The following FABP7 variants were observed in gnomAD, a reference collection of about 807,000 sequenced individuals.
The protein encoded by FABP7 is fatty acid binding protein 7, also known as fatty acid-binding protein, brain.
In FABP7, 13 loss-of-function variants were observed where a neutral mutation model predicts 14.2. That is an observed-to-expected ratio of 0.91 (90% CI 0.59 to 1.45). The LOEUF is 1.45. Ranked by LOEUF, FABP7 falls within the 40% of genes most tolerant of loss-of-function variation. FABP7 has a pLI of 0.00. For synonymous variants in FABP7, 49 were observed against 51.4 expected, an observed-to-expected ratio of 0.95 and a Z score of 0.20; for missense variants, 149 against 157.6, an observed-to-expected ratio of 0.95 and a Z score of 0.29.
chr6:122,763,007 T>A, the FABP7 span, among the ~76,000 whole-genome samples: 5 of 152,336 alleles, frequency 3.3e-5, no homozygotes, highest in African/African-American at 1.2e-4. Context: ...AAGCTACCGA[T>A]GACTTTCTTC....
At chr6:122,752,813 CT>C in the FABP7 span, among the ~76,000 whole-genome samples, 1 of 152,154 alleles carries the variant, frequency 6.6e-6, no homozygotes, top group Admixed American at 6.5e-5. Context: ...TCTCTACCCC[CT>C]CTACATTGTT....
At chr6:122,773,173 A>G in the FABP7 span, among the ~76,000 whole-genome samples, 17 of 152,324 alleles carry the variant, frequency 1.1e-4, no homozygotes, top group South Asian at 6.2e-4. Flanking sequence ...GAATTTCTAT[A>G]TATCTCCAGA....
the FABP7 span, among the ~76,000 whole-genome samples, chr6:122,769,854 G>A: frequency 6.6e-6 from 1 of 152,008 alleles, no homozygotes; most frequent in African/African-American, 2.4e-5. Flanking sequence ...GCTTTGCGGT[G>A]AAAGAAAAAG....
the FABP7 span, among the ~76,000 whole-genome samples, chr6:122,764,076 G>A: frequency 6.6e-6 from 1 of 151,898 alleles, no homozygotes; most frequent in Non-Finnish European, 1.5e-5. Flanking sequence ...ATGCTACAAA[G>A]ACACATGCAC....
chr6:122,773,350 C>T, the FABP7 span, among the ~76,000 whole-genome samples: 3 of 152,188 alleles, frequency 2.0e-5, no homozygotes, highest in African/African-American at 2.4e-5. Context: ...TCCACTGCTG[C>T]GCACTCAGTC....
intron 3 of FABP7, chr6:122,782,453 A>G: frequency 2.3e-6 from 2 of 879,638 alleles, no homozygotes; most frequent in Non-Finnish European, 2.7e-6. Flanking sequence ...TCTTTACAAG[A>G]CTTTTTCCTC....
upstream of FABP7, among the ~76,000 whole-genome samples, chr6:122,777,155 A>C (rs1482624626): frequency 1.3e-5 from 2 of 152,240 alleles, no homozygotes; most frequent in South Asian, 2.1e-4. Flanking sequence ...TGTTCTTAGA[A>C]TACAAAAGGA....
intron 1 of FABP7, among the ~76,000 whole-genome samples, chr6:122,780,069 A>C (rs1262953624): frequency 2.0e-5 from 3 of 152,178 alleles, no homozygotes; most frequent in Non-Finnish European, 4.4e-5. Context: ...TAAAAACAGA[A>C]CATTTGCTAT....
Position 122,779,751 on chromosome 6 carries a change from C to A in FABP7, c.-44C>A. 6.3e-7 allele frequency: 1 copy of A among 1,595,086 alleles called. No homozygotes were observed. The highest frequency in any genetic ancestry group is 8.6e-7 in the Non-Finnish European group (1 of 1,163,674). On this transcript the variant is annotated 5_prime_UTR_variant, in exon 1 of 4. Coordinates refer to ENST00000368444, the MANE Select transcript of FABP7 (RefSeq NM_001446.5). ...TTCTGAGCTGCAGTGGCAATTAGAC[C>A]AGAAGATCCCCGCTCCTGTCTCTAA...
chr6:122,774,372 A>C, the FABP7 span, among the ~76,000 whole-genome samples: 24 of 75,968 alleles, frequency 3.2e-4, 1 homozygote, highest in African/African-American at 5.8e-4. Flanking sequence ...AAAAAAAAAA[A>C]AAAAAAAAAA....
the FABP7 span, among the ~76,000 whole-genome samples, chr6:122,771,812 A>G: frequency 6.6e-6 from 1 of 152,202 alleles, no homozygotes; most frequent in East Asian, 1.9e-4. Context: ...CTGAAAACTT[A>G]GAAAAGATCA....
rs1780857683 is a variant in FABP7 at position 122,783,953 on chromosome 6, A to G, written c.*186A>G. 2.3e-6 allele frequency: 1 copy of G among 431,670 alleles called. No individual in the cohort carries two copies. Among genetic ancestry groups the G allele is most frequent in the African/African-American group, 2.1e-5 (1 of 47,880 alleles). 26.7% of individuals were successfully genotyped at this position (431,670 alleles called of 1,614,324 possible). A position where few individuals can be genotyped will look rare whatever the true frequency, so the allele number is the denominator to read the frequency against. ...CCCAATTTTAATCTGAAAATTTATC[A>G]TGTTTTATAATTTGAATTAAAGTTT... On this transcript the variant is annotated 3_prime_UTR_variant, in exon 4 of 4. Coordinates refer to ENST00000368444, the MANE Select transcript of FABP7 (RefSeq NM_001446.5).
intron 3 of FABP7, chr6:122,783,033 C>A (rs1406537488): frequency 1.8e-5 from 18 of 985,276 alleles, no homozygotes; most frequent in Non-Finnish European, 2.2e-5. Context: ...AAGCAATAGA[C>A]TACAAGGATA....
chr6:122,772,136 T>C, the FABP7 span, among the ~76,000 whole-genome samples: 1 of 152,154 alleles, frequency 6.6e-6, no homozygotes, highest in Admixed American at 6.6e-5. Flanking sequence ...AAATATTAAT[T>C]GAACTAAACC....
chr6:122,774,740 T>C (rs1358996509), upstream of FABP7, among the ~76,000 whole-genome samples: 1 of 149,468 alleles, frequency 6.7e-6, no homozygotes, highest in Non-Finnish European at 1.5e-5. Flanking sequence ...GATGACATGA[T>C]CTCATATTTA....
the FABP7 span, among the ~76,000 whole-genome samples, chr6:122,755,569 T>G: frequency 1.3e-5 from 2 of 150,812 alleles, no homozygotes; most frequent in Non-Finnish European, 3.0e-5. Flanking sequence ...TTCTCCTGCC[T>G]CAGCCTCCCG....
the FABP7 span, among the ~76,000 whole-genome samples, chr6:122,766,666 GAAAATT>G: frequency 6.6e-6 from 1 of 152,138 alleles, no homozygotes; most frequent in East Asian, 1.9e-4. Flanking sequence ...ATTTTCTATA[GAAAATT>G]AACATCTAGA....
chr6:122,752,901 G>A, the FABP7 span, among the ~76,000 whole-genome samples: 1 of 152,144 alleles, frequency 6.6e-6, no homozygotes. Flanking sequence ...AGGGTTAGTG[G>A]TCTCTCTCTG....
At chr6:122,779,293 G>A (rs116881654), upstream of FABP7, among the ~76,000 whole-genome samples, 6 of 152,122 alleles carry the variant, frequency 3.9e-5, no homozygotes, top group Non-Finnish European at 5.9e-5. Flanking sequence ...TTCTTTAAGG[G>A]GGGTCCTCAT....
Sources: gnomAD v4.1 joint callset for allele counts (sites outside exome capture counted in the v4.1 genomes callset) on GRCh38, gnomAD v4.1.1 for gene constraint, MANE v1.5 for transcripts, NCBI Gene and HGNC (gene_info 2026-07-23, HGNC 2026-07-21) for gene names.